RIF1: variants seen among roughly 807,000 people sequenced by gnomAD.
The protein encoded by RIF1 is telomere-associated protein RIF1.
Under a neutral mutation model 247.1 loss-of-function variants are expected in RIF1, and 45 were observed. The observed-to-expected ratio is 0.18, with a 90% CI of 0.14 to 0.23. The LOEUF (loss-of-function observed/expected upper bound fraction) is 0.23. Among genes scored for constraint, RIF1 ranks in the 10% least tolerant of loss-of-function variants. The probability of loss-of-function intolerance (pLI) is 1.00; values close to 1 mark genes in which losing one functional copy is unlikely to be tolerated. For synonymous variants in RIF1, 1,087 were observed against 978.8 expected (o/e 1.11, Z -2.06); for missense variants, 2,967 against 2,862.5 (o/e 1.04, Z -0.83).
chr2:151,428,719 A>AATGATAGCAATT, intron 8 of RIF1, 65 bp from the exon 9 acceptor site: 1 of 1,244,502 alleles, frequency 8.0e-7, no homozygotes, highest in Non-Finnish European at 1.2e-6. Context: ...TGAATAAAGG[A>AATGATAGCAATT]ATGATAGCAA....
At position 151,461,098 on chromosome 2, in the gene RIF1, A is replaced by G; in HGVS notation, c.3076-40A>G. The G allele has an allele frequency of 1.9e-6, 3 of 1,566,610 alleles. No individual in the cohort carries two copies. In the South Asian group the frequency reaches 3.5e-5, roughly 18 times the overall value. ...ATAGAAATATTGGAAAATAATTTGG[A>G]AGCTAAAATGTACATTTGCTTATTT... On this transcript the variant is annotated intron_variant, in intron 26 of 35. Transcript: ENST00000444746.
chr2:151,530,700 C>A, the RIF1 span: 1 of 288,442 alleles, frequency 3.5e-6, no homozygotes, highest in Non-Finnish European at 6.4e-6. Flanking sequence ...CTCGTCTACA[C>A]AATAGCCCAG....
chr2:151,464,278 A>G lies in RIF1; in HGVS notation c.4758A>G (p.Glu1586=), dbSNP rs1574131779. Reference sequence around the variant, plus strand: ...AAAGTGTTGACATTCAAGATCAAGAAGAGAAAGTGGTGAAACAGGAATGTA... The same window carrying G: ...AAAGTGTTGACATTCAAGATCAAGAGGAGAAAGTGGTGAAACAGGAATGTA... ...SNESVDIQDQ[E]EKVVKQECIK... is the part of the protein sequence containing the mutation. Residue 1586 remains glutamate (E), a synonymous_variant, in exon 30 of 36, where the codon GAA becomes GAG. Transcript: ENST00000444746. The G allele has an allele frequency of 1.2e-6, 2 of 1,613,876 alleles. No individual in the cohort carries two copies. The highest frequency in any genetic ancestry group is 1.1e-5 in the South Asian group (1 of 91,048).
chr2:151,483,466 G>A (rs983716717), downstream of RIF1: 1 of 152,174 alleles, frequency 6.6e-6, no homozygotes, highest in East Asian at 1.9e-4. Context: ...TGGTTTGGTG[G>A]AGAGGAAACA....
chr2:151,497,319 A>AAAC (rs1297256065), intron 10 of RIF1: 7 of 979,962 alleles, frequency 7.1e-6, no homozygotes, highest in Admixed American at 1.2e-4. Flanking sequence ...CATGCCTCCT[A>AAAC]AACAATTATA....
At position 151,464,625 on chromosome 2, in the gene RIF1, T is replaced by C. The variant is rs1266130605; in HGVS notation, c.5105T>C (p.Ile1702Thr). Reference sequence around the variant, plus strand: ...TTGGGAGAATCCTCAAAAATAGGGATATCAGATATTTCTTCGCTTTCAGAA... The same window carrying C: ...TTGGGAGAATCCTCAAAAATAGGGACATCAGATATTTCTTCGCTTTCAGAA... The part of the protein sequence containing the change: ...CSLGESSKIG[I>T]SDISSLSEKT... Residue 1702 changes from isoleucine to threonine, a missense_variant, in exon 30 of 36, where the codon ATA becomes ACA. Physicochemically the swap from Ile to Thr is moderately conservative, Grantham distance 89 (BLOSUM62 -1). Coordinates refer to ENST00000444746, the MANE Select transcript of RIF1 (RefSeq NM_018151.5). The C allele has an allele frequency of 6.2e-7, 1 of 1,613,714 alleles. No individual in the cohort carries two copies.
At chr2:151,531,026 G>A in the RIF1 span, 4 of 1,613,426 alleles carry the variant, frequency 2.5e-6, no homozygotes, top group Non-Finnish European at 3.4e-6. Flanking sequence ...TTGCGGACAT[G>A]CAGCAACATG....
At chr2:151,427,443 T>G (rs540533475) in intron 8 of RIF1, among the ~76,000 whole-genome samples, 1 of 151,970 alleles carries the variant, frequency 6.6e-6, no homozygotes, top group East Asian at 1.9e-4. Context: ...ACTCCTGACC[T>G]TAGGTGATTC....
chr2:151,441,220 A>T (rs1692241945), intron 15 of RIF1, among the ~76,000 whole-genome samples: 2 of 152,186 alleles, frequency 1.3e-5, no homozygotes, highest in South Asian at 4.1e-4. Context: ...CCCTGTCTCA[A>T]AAAAGAAAAA....
At chr2:151,446,234 G>A (rs1468933403) in intron 19 of RIF1, among the ~76,000 whole-genome samples, 192 bp from the exon 20 acceptor site, 2 of 150,454 alleles carry the variant, frequency 1.3e-5, no homozygotes. Flanking sequence ...CCTGACCTCA[G>A]GTGATCCACC....
intron 8 of RIF1, among the ~76,000 whole-genome samples, chr2:151,426,634 A>G (rs912080605): frequency 2.0e-5 from 3 of 151,520 alleles, no homozygotes; most frequent in African/African-American, 7.3e-5. Flanking sequence ...ACCCATGAAC[A>G]CAGATGTCTT....
At chr2:151,461,034 A>G in intron 26 of RIF1, 104 bp from the exon 27 acceptor site, 1 of 1,046,340 alleles carries the variant, frequency 9.6e-7, no homozygotes, top group Non-Finnish European at 1.4e-6. Flanking sequence ...AACTTTCATA[A>G]TCACTATTGA....
intron 9 of RIF1, chr2:151,492,281 C>T (rs1350737425): frequency 7.5e-6 from 12 of 1,608,948 alleles, no homozygotes; most frequent in Non-Finnish European, 1.0e-5. Flanking sequence ...TGATATTTCA[C>T]CTGAAATGTC....
chr2:151,507,688 T>A (rs2070405818), intron 13 of RIF1: 1 of 273,646 alleles, frequency 3.7e-6, no homozygotes, highest in Non-Finnish European at 6.9e-6. Context: ...TTTTATTGAA[T>A]AAATTGTGTG....
intron 11 of RIF1, 46 bp from the exon 12 acceptor site, chr2:151,436,781 T>C (rs575279339): frequency 5.7e-6 from 8 of 1,408,950 alleles, no homozygotes; most frequent in Admixed American, 2.6e-5. Context: ...GTAGCTAATA[T>C]AAAATGAGCT....
chr2:151,493,376 G>A lies in RIF1; in HGVS notation c.*416-1853G>A, dbSNP rs748561855. The A allele has an allele frequency of 8.7e-6, 14 of 1,611,862 alleles. No individual in the cohort carries two copies. The highest frequency in any genetic ancestry group is 2.2e-5 in the East Asian group (1 of 44,806). Reference sequence around the variant, plus strand: ...ACCGAGCTAATGTTTTCTTGGTTGCGCTTAGCTCTCTCCATCTCTGGAGTA... The same window carrying A: ...ACCGAGCTAATGTTTTCTTGGTTGCACTTAGCTCTCTCCATCTCTGGAGTA... On this transcript the variant is annotated intron_variant and NMD_transcript_variant, in intron 9 of 13. Transcript: ENST00000454583.
intron 20 of RIF1, among the ~76,000 whole-genome samples, chr2:151,447,025 G>A (rs1164791934): frequency 1.4e-5 from 2 of 147,672 alleles, no homozygotes; most frequent in African/African-American, 5.0e-5. Flanking sequence ...CTCACTGCAA[G>A]CTCCGCCTCC....
At chr2:151,506,360 T>A in exon 13 of RIF1, 1 of 851,532 alleles carries the variant, frequency 1.2e-6, no homozygotes, top group Non-Finnish European at 1.9e-6. Flanking sequence ...AACAAGACAC[T>A]AGACGATGTT....
chr2:151,488,652 TAAAAA>T (rs60310785), intron 9 of RIF1, among the ~76,000 whole-genome samples: 2 of 151,006 alleles, frequency 1.3e-5, no homozygotes, highest in African/African-American at 2.4e-5. Flanking sequence ...TCTCTAAAAA[TAAAAA>T]AAAAGTATTC....
Sources: allele counts gnomAD v4.1 joint callset (sites outside exome capture counted in the v4.1 genomes callset), GRCh38; gene constraint gnomAD v4.1.1; transcripts MANE v1.5; gene names NCBI Gene and HGNC (gene_info 2026-07-23, HGNC 2026-07-21).